Variants in TEFM observed in about 807,000 individuals in gnomAD.
TEFM encodes the protein transcription elongation factor of mitochondria.
In TEFM, 14 loss-of-function variants were observed where a neutral mutation model predicts 23.0. That is an observed-to-expected ratio of 0.61 (90% CI 0.40 to 0.95). The LOEUF (loss-of-function observed/expected upper bound fraction) is 0.95. TEFM is among the 40% of genes least tolerant of loss of function. The probability of loss-of-function intolerance (pLI) is 0.00; values close to 1 mark genes in which losing one functional copy is unlikely to be tolerated. For missense variants in TEFM, 386 were observed against 425.5 expected (o/e 0.91, Z 0.82); for synonymous variants, 155 against 158.3 (o/e 0.98, Z 0.16).
At chr17:30,901,867 A>G (rs1910053870) in intron 2 of TEFM, among the ~76,000 whole-genome samples, 1 of 152,218 alleles carries the variant, frequency 6.6e-6, no homozygotes, top group Admixed American at 6.5e-5. Flanking sequence ...ACAGAAGGAA[A>G]AGAAACAGAT....
intron 2 of TEFM, 111 bp downstream of exon 2, chr17:30,903,955 A>C (rs1172599372): frequency 6.7e-6 from 6 of 899,658 alleles, no homozygotes; most frequent in Non-Finnish European, 1.0e-5. Flanking sequence ...ATACTTGCCA[A>C]CTAAACCTGA....
At chr17:30,904,649 G>A (rs935935526) in intron 1 of TEFM, 120 bp from the exon 2 acceptor site, 63 of 666,486 alleles carry the variant, frequency 9.5e-5, no homozygotes, top group Non-Finnish European at 1.5e-4. Context: ...AGAACTAATA[G>A]AGGACAATAT....
chr17:30,905,725 T>C (rs952302069), intron 1 of TEFM, among the ~76,000 whole-genome samples: 2 of 152,160 alleles, frequency 1.3e-5, no homozygotes, highest in South Asian at 2.1e-4. Flanking sequence ...CACCATACAA[T>C]GCATAACTTT....
Position 30,904,095 on chromosome 17 carries a change from TGAG to T in TEFM, c.463_465del (p.Leu155del). On this transcript the variant is annotated inframe_deletion, in exon 2 of 4. Transcript: ENST00000581216. The stretch of plus-strand genomic sequence containing the variant: ...AGTCTTTCTCTTTCTATGTCTGGTT[TGAG>T]GAGCTTTCTCAGGAACCGGTTTTCC... The T allele has an allele frequency of 1.2e-6, 2 of 1,613,914 alleles. No individual in the cohort carries two copies. The highest frequency in any genetic ancestry group is 1.7e-6 in the Non-Finnish European group (2 of 1,179,924).
intron 1 of TEFM, among the ~76,000 whole-genome samples, chr17:30,904,890 G>A (rs1286981478): frequency 6.6e-6 from 1 of 151,998 alleles, no homozygotes; most frequent in African/African-American, 2.4e-5. Flanking sequence ...GTGTTAGCCA[G>A]GATGGTCTCC....
rs368772565 is a variant in TEFM at position 30,903,093 on chromosome 17, A to G, written c.495+973T>C. ...GGGAGGTGGAGGTTGTTGTGAGATCATGCCACTGTACTCCAGCCTGGCGAC... is the reference window on the plus strand; with the variant it reads ...GGGAGGTGGAGGTTGTTGTGAGATCGTGCCACTGTACTCCAGCCTGGCGAC... On this transcript the variant is annotated intron_variant, in intron 2 of 3. Coordinates refer to ENST00000581216, the MANE Select transcript of TEFM (RefSeq NM_024683.4). Among the ~76,000 whole-genome samples, 32 of 139,270 alleles carry G rather than the reference A, an allele frequency of 2.3e-4. 1 individual carries two copies. The East Asian group carries it at 5.6e-3, about 24-fold the overall frequency. 91.4% of individuals were successfully genotyped at this position (139,270 alleles called of 152,430 possible).
At chr17:30,901,127 CCTT>C (rs1910039273) in intron 2 of TEFM, among the ~76,000 whole-genome samples, 1 of 152,164 alleles carries the variant, frequency 6.6e-6, no homozygotes, top group African/African-American at 2.4e-5. Flanking sequence ...TTCAAGCAAT[CCTT>C]CTGCCTCAGC....
rs1235516152 is a variant in TEFM, at chr17:30,906,181, G to C, written c.18C>G (p.Leu6=). The change falls in exon 1 of 4, where the codon CTC becomes CTG. Residue 6 remains leucine (L), a synonymous_variant. Coordinates refer to ENST00000581216, the MANE Select transcript of TEFM (RefSeq NM_024683.4). MSGSV[L]FTAGERWRCF... ...CAAGCACCCTACCTCCCGCCGTGAA[G>C]AGGACAGACCCGCTCATCTCCAAGT... The C allele has an allele frequency of 6.2e-7, 1 of 1,614,220 alleles. No homozygotes were observed. Among genetic ancestry groups the C allele is most frequent in the South Asian group, 1.1e-5 (1 of 91,086 alleles).
In TEFM at chr17:30,904,383, C is replaced by T. The variant is rs375480656; in HGVS notation, c.178G>A (p.Ala60Thr). ...CDENAKEPEN[A>T]LDKLFSSEQQ... is the part of the protein sequence containing the mutation. Reference sequence around the variant, plus strand: ...TCTGAAGAGAAGAGCTTGTCAAGTGCATTTTCGGGCTCCTTTGCATTTTCA... The same window carrying T: ...TCTGAAGAGAAGAGCTTGTCAAGTGTATTTTCGGGCTCCTTTGCATTTTCA... Residue 60 changes from alanine (A) to threonine (T), a missense_variant, in exon 2 of 4, where the codon GCA becomes ACA. Transcript: ENST00000581216. The T allele has an allele frequency of 4.3e-6, 7 of 1,614,040 alleles. No individual in the cohort carries two copies. The Admixed American group carries it at 6.7e-5, about 15-fold the overall frequency.
chr17:30,901,509 C>A (rs532924213), intron 2 of TEFM, among the ~76,000 whole-genome samples: 1 of 152,058 alleles, frequency 6.6e-6, no homozygotes, highest in South Asian at 2.1e-4. Context: ...GAGAAGTGGT[C>A]AGGGAAGGTT....
intron 3 of TEFM, chr17:30,899,815 GTCC>G (rs959525096): frequency 1.5e-5 from 6 of 389,720 alleles, no homozygotes; most frequent in East Asian, 4.0e-5. Context: ...AAGCTGTTTA[GTCC>G]TCCTAAGTAC....
At chr17:30,904,736 G>A (rs1374709297) in intron 1 of TEFM, among the ~76,000 whole-genome samples, 5 of 149,904 alleles carry the variant, frequency 3.3e-5, no homozygotes, top group African/African-American at 1.2e-4. Flanking sequence ...CTGGAGTGCA[G>A]TGGCCGATCT....
intron 2 of TEFM, among the ~76,000 whole-genome samples, chr17:30,903,604 T>A (rs1156825734): frequency 6.6e-6 from 1 of 151,224 alleles, no homozygotes; most frequent in Non-Finnish European, 1.5e-5. Context: ...CAGAAAATAA[T>A]TTTAAATTCT....
Position 30,904,361 on chromosome 17 carries a change from G to C in TEFM, c.200C>G (p.Ser67Ter). The C allele has an allele frequency of 1.2e-6, 2 of 1,614,202 alleles. No homozygotes were observed. The highest frequency in any genetic ancestry group is 1.1e-5 in the South Asian group (1 of 91,082). Residue 67 changes from serine to a stop codon, truncating the protein, a stop_gained, in exon 2 of 4, where the codon TCA (serine) becomes TGA (stop). Transcript: ENST00000581216. LOFTEE classifies it high-confidence loss of function. ...PENALDKLFS[S>*]EQQASILHVL... is the part of the protein sequence containing the mutation. ...ATGCAAGATGGAAGCCTGCTGTTCT[G>C]AAGAGAAGAGCTTGTCAAGTGCATT...
intron 1 of TEFM, 139 bp from the exon 2 acceptor site, chr17:30,904,668 C>T: frequency 1.7e-6 from 1 of 586,714 alleles, no homozygotes; most frequent in Non-Finnish European, 2.9e-6. Context: ...ATTAAATTGT[C>T]TTGGAGAATC....
At chr17:30,905,037 G>C (rs1226686841) in intron 1 of TEFM, among the ~76,000 whole-genome samples, 1 of 152,080 alleles carries the variant, frequency 6.6e-6, no homozygotes, top group African/African-American at 2.4e-5. Flanking sequence ...GTTTTAAATA[G>C]AGCTTTTGTT....
chr17:30,900,381 C>G, intron 3 of TEFM, 32 bp downstream of exon 3: 3 of 1,607,660 alleles, frequency 1.9e-6, no homozygotes, highest in Non-Finnish European at 2.6e-6. Context: ...GGAGCTCTAG[C>G]AGGTAGGAAT....
intron 1 of TEFM, among the ~76,000 whole-genome samples, chr17:30,905,021 T>C (rs1910137080): frequency 6.6e-6 from 1 of 152,140 alleles, no homozygotes; most frequent in Admixed American, 6.6e-5. Context: ...AACTATATTA[T>C]ATAGAGTTTT....
chr17:30,900,601 T>C (rs756367932), intron 2 of TEFM, 39 bp from the exon 3 acceptor site: 10 of 1,580,792 alleles, frequency 6.3e-6, no homozygotes, highest in Non-Finnish European at 8.6e-6. Flanking sequence ...GTATAAACAT[T>C]TTAGTTTTTT....
Sources: allele counts gnomAD v4.1 joint callset (sites outside exome capture counted in the v4.1 genomes callset), GRCh38; gene constraint gnomAD v4.1.1; transcripts MANE v1.5; gene names NCBI Gene and HGNC (gene_info 2026-07-23, HGNC 2026-07-21).